Variants in CTNNB1 observed in about 807,000 individuals in gnomAD.
The protein encoded by CTNNB1 is catenin beta-1.
A neutral mutation model predicts 82.5 loss-of-function variants in CTNNB1; 6 were observed. The observed-to-expected ratio is 0.07, with a 90% CI of 0.04 to 0.14. The LOEUF (loss-of-function observed/expected upper bound fraction) is 0.14, where lower values mean the gene tolerates loss of function less well. Among genes scored for constraint, CTNNB1 ranks in the 10% least tolerant of loss-of-function variants. CTNNB1 has a pLI of 1.00. For synonymous variants in CTNNB1, 312 were observed against 329.7 expected, an observed-to-expected ratio of 0.95 and a Z score of 0.58; for missense variants, 529 against 980.4, an observed-to-expected ratio of 0.54 and a Z score of 6.15.
At chr3:41,226,902 G>C (rs1487488671) in intron 6 of CTNNB1, among the ~76,000 whole-genome samples, 1 of 152,080 alleles carries the variant, frequency 6.6e-6, no homozygotes, top group Non-Finnish European at 1.5e-5. Context: ...CATTACTCTT[G>C]CCTACCAACA....
At chr3:41,210,595 C>T (rs1322942347) in intron 1 of CTNNB1, among the ~76,000 whole-genome samples, 1 of 152,170 alleles carries the variant, frequency 6.6e-6, no homozygotes, top group Non-Finnish European at 1.5e-5. Context: ...ATAAATGGAG[C>T]TGCCACCTCC....
At chr3:41,223,797 G>T (rs946436320) in intron 1 of CTNNB1, among the ~76,000 whole-genome samples, 1 of 152,052 alleles carries the variant, frequency 6.6e-6, no homozygotes, top group African/African-American at 2.4e-5. Flanking sequence ...TTAATAAAAA[G>T]ACATTTTTGG....
At chr3:41,205,540 G>C (rs2077630939) in intron 1 of CTNNB1, among the ~76,000 whole-genome samples, 1 of 152,080 alleles carries the variant, frequency 6.6e-6, no homozygotes, top group African/African-American at 2.4e-5. Flanking sequence ...GCCAGGCATG[G>C]TGGCAGGTGC....
chr3:41,205,633 G>A lies in CTNNB1; in HGVS notation c.-49+5963G>A, dbSNP rs57797580. On this transcript the variant is annotated intron_variant, in intron 1 of 14. Coordinates refer to ENST00000349496, the MANE Select transcript of CTNNB1 (RefSeq NM_001904.4). ...GGAGGTTGCAGTGAGCTGAGATCAC[G>A]CCACTGCACTCCAGCTGGGGCAACA... Among the ~76,000 whole-genome samples the A allele has an allele frequency of 4.2e-4, 64 of 152,052 alleles. No homozygotes were observed. The East Asian group carries it at 0.011, about 26-fold the overall frequency.
At chr3:41,233,030 A>G (rs549739657) in intron 7 of CTNNB1, among the ~76,000 whole-genome samples, 4 of 152,306 alleles carry the variant, frequency 2.6e-5, no homozygotes, top group South Asian at 2.1e-4. Context: ...AATATTTTTG[A>G]AATGATTGAA....
chr3:41,226,210 G>T (rs1389007846), intron 6 of CTNNB1, among the ~76,000 whole-genome samples: 1 of 152,194 alleles, frequency 6.6e-6, no homozygotes, highest in Non-Finnish European at 1.5e-5. Context: ...GTGCAGCCCA[G>T]TTCATTTCTG....
At chr3:41,234,364 CTTCT>C (rs1228529321) in intron 10 of CTNNB1, 67 bp downstream of exon 10, 4 of 1,547,306 alleles carry the variant, frequency 2.6e-6, no homozygotes, top group East Asian at 2.3e-5. Context: ...GGATCCTGAA[CTTCT>C]TTCTTTGGTC....
At chr3:41,200,643 C>T (rs895601254) in intron 1 of CTNNB1, among the ~76,000 whole-genome samples, 1 of 152,180 alleles carries the variant, frequency 6.6e-6, no homozygotes, top group Non-Finnish European at 1.5e-5. Flanking sequence ...GTGAATTTTT[C>T]CTTCGCTCCA....
chr3:41,220,367 C>G (rs911542527), intron 1 of CTNNB1, among the ~76,000 whole-genome samples: 3 of 150,934 alleles, frequency 2.0e-5, no homozygotes, highest in African/African-American at 7.4e-5. Flanking sequence ...GACAAGACAC[C>G]TTGAGAACAC....
chr3:41,202,640 T>G (rs1312243257), intron 1 of CTNNB1, among the ~76,000 whole-genome samples: 1 of 152,188 alleles, frequency 6.6e-6, no homozygotes, highest in African/African-American at 2.4e-5. Flanking sequence ...GATTTGCAGA[T>G]TCAGTTGTCC....
intron 2 of CTNNB1, 23 bp downstream of exon 2, chr3:41,224,104 T>G (rs1467116671): frequency 1.4e-5 from 23 of 1,613,556 alleles, no homozygotes; most frequent in Non-Finnish European, 1.9e-5. Flanking sequence ...AAATCTTTAG[T>G]TACTGAATTG....
intron 1 of CTNNB1, among the ~76,000 whole-genome samples, chr3:41,223,433 AAG>A (rs1178354430): frequency 2.0e-5 from 3 of 152,154 alleles, no homozygotes; most frequent in Non-Finnish European, 2.9e-5. Flanking sequence ...TTTACTAATA[AAG>A]GTGCTTTTGT....
At chr3:41,204,502 TGTCTCCAGG>T (rs2077604200) in intron 1 of CTNNB1, among the ~76,000 whole-genome samples, 2 of 152,196 alleles carry the variant, frequency 1.3e-5, no homozygotes, top group African/African-American at 2.4e-5. Context: ...GCTACTCAAA[TGTCTCCAGG>T]GCCAGTTAGG....
intron 1 of CTNNB1, among the ~76,000 whole-genome samples, chr3:41,223,798 A>T (rs1325281738): frequency 6.6e-6 from 1 of 152,130 alleles, no homozygotes; most frequent in East Asian, 1.9e-4. Flanking sequence ...TAATAAAAAG[A>T]CATTTTTGGT....
Position 41,233,456 on chromosome 3 carries a change from G to A in CTNNB1, c.1185+12G>A, listed in dbSNP as rs1398400203. 3.7e-6 allele frequency: 6 copies of A among 1,613,814 alleles called. No individual in the cohort carries two copies. The Admixed American group carries it at 8.3e-5, about 22-fold the overall frequency. On this transcript the variant is annotated intron_variant, in intron 8 of 14. Coordinates refer to ENST00000349496, the MANE Select transcript of CTNNB1 (RefSeq NM_001904.4). ...CTGCAACTAAACAGGTAAATTCTGA[G>A]TAAACTGGTGCCATGGGAATAGAGT...
rs367845313 is a variant in CTNNB1 at position 41,227,309 on chromosome 3, G to A, written c.1038G>A (p.Val346=). ...LLWTTSRVLK[V]LSVCSSNKPA... is the part of the protein sequence containing the mutation. The stretch of plus-strand genomic sequence containing the variant: ...GGACCACAAGCAGAGTGCTGAAGGT[G>A]CTATCTGTCTGCTCTAGTAATAAGC... Residue 346 remains valine (V), a synonymous_variant, in exon 7 of 15, where the codon GTG becomes GTA. Coordinates refer to ENST00000349496, the MANE Select transcript of CTNNB1 (RefSeq NM_001904.4). The A allele has an allele frequency of 1.4e-5, 23 of 1,613,964 alleles. No homozygotes were observed. Among genetic ancestry groups the A allele is most frequent in the Non-Finnish European group, 1.9e-5 (22 of 1,179,886 alleles).
rs11564466 is a variant in CTNNB1, at chr3:41,236,091, C to T, written c.1803+248C>T. The T allele has an allele frequency of 4.7e-4, 318 of 680,572 alleles. 6 individuals carry two copies. In the South Asian group the frequency reaches 5.7e-3, roughly 12 times the overall value. The allele number at this position is 680,572 out of a possible 1,614,324, so 42.2% of individuals were successfully genotyped here. On this transcript the variant is annotated intron_variant, in intron 11 of 14. Coordinates refer to ENST00000349496, the MANE Select transcript of CTNNB1 (RefSeq NM_001904.4). ...TGGGCTGCCAGAGGCAGGGCATAGACCCCCAACCAATTCTGGGTTTTCCAA... is the reference window on the plus strand; with the variant it reads ...TGGGCTGCCAGAGGCAGGGCATAGATCCCCAACCAATTCTGGGTTTTCCAA...
At chr3:41,222,076 G>A (rs2078062824) in intron 1 of CTNNB1, 1 of 151,822 alleles carries the variant, frequency 6.6e-6, no homozygotes, top group Non-Finnish European at 1.5e-5. Context: ...TTTTTTCGTT[G>A]CTTTAAAAAA....
chr3:41,199,641 C>G lies in CTNNB1; in HGVS notation c.-78C>G, dbSNP rs1157716565. 1 of 152,276 alleles carries G rather than the reference C, an allele frequency of 6.6e-6. No homozygotes were observed. Among genetic ancestry groups the G allele is most frequent in the African/African-American group, 2.4e-5 (1 of 41,430 alleles). The allele number at this position is 152,276 out of a possible 1,614,324, so 9.4% of individuals were successfully genotyped here. On this transcript the variant is annotated 5_prime_UTR_variant, in exon 1 of 15. Transcript: ENST00000349496. ...ACCGCAGGTCGAGGACGGTCGGACT[C>G]CCGCGGCGGGAGGAGCCTGTTCCCC... is the stretch of plus-strand genomic sequence containing the variant.
Sources: gnomAD v4.1 joint callset for allele counts (sites outside exome capture counted in the v4.1 genomes callset) on GRCh38, gnomAD v4.1.1 for gene constraint, MANE v1.5 for transcripts, NCBI Gene and HGNC (gene_info 2026-07-23, HGNC 2026-07-21) for gene names.